The following C5orf34 variants were observed in gnomAD, a reference collection of about 807,000 sequenced individuals.
The protein encoded by C5orf34 is uncharacterized protein C5orf34.
In C5orf34, 73 loss-of-function variants were observed where a neutral mutation model predicts 78.4. The ratio of observed to expected loss-of-function variants is 0.93; its 90% CI spans 0.77 to 1.13. C5orf34 has a LOEUF of 1.13. Among genes scored for constraint, C5orf34 ranks in the 50% most tolerant of loss-of-function variants. The pLI is 0.00. For synonymous variants in C5orf34, 251 were observed against 246.6 expected (o/e 1.02, Z -0.17); for missense variants, 730 against 732.7 (o/e 1.00, Z 0.04).
At chr5:43,513,504 C>A (rs898162115) in intron 1 of C5orf34, among the ~76,000 whole-genome samples, 2 of 152,208 alleles carry the variant, frequency 1.3e-5, no homozygotes, top group African/African-American at 2.4e-5. Flanking sequence ...GCTTAAAACC[C>A]ACCAGTACCT....
At chr5:43,514,575 A>G (rs1193712840) in intron 1 of C5orf34, among the ~76,000 whole-genome samples, 32 of 152,126 alleles carry the variant, frequency 2.1e-4, no homozygotes, top group Non-Finnish European at 7.3e-5. Flanking sequence ...TTCTTGGCAT[A>G]CCATAGGAAA....
At chr5:43,493,776 G>A (rs1159616332) in intron 7 of C5orf34, among the ~76,000 whole-genome samples, 164 bp from the exon 8 acceptor site, 1 of 152,092 alleles carries the variant, frequency 6.6e-6, no homozygotes, top group Non-Finnish European at 1.5e-5. Flanking sequence ...CCCCTAGAAG[G>A]GAAATACTGT....
chr5:43,503,840 G>T, intron 4 of C5orf34, 80 bp from the exon 5 acceptor site: 2 of 847,742 alleles, frequency 2.4e-6, no homozygotes, highest in Non-Finnish European at 4.0e-6. Flanking sequence ...TGTTGCTACT[G>T]TAACAGGATT....
intron 1 of C5orf34, among the ~76,000 whole-genome samples, chr5:43,512,974 G>C (rs972091095): frequency 6.6e-6 from 1 of 151,694 alleles, no homozygotes. Flanking sequence ...AGTAGAGACA[G>C]GTTTTCACCA....
intron 11 of C5orf34, among the ~76,000 whole-genome samples, chr5:43,488,794 A>G (rs1008421111): frequency 5.9e-5 from 9 of 152,136 alleles, no homozygotes; most frequent in African/African-American, 2.2e-4. Context: ...AATATGAGCA[A>G]TGGCATACAA....
intron 1 of C5orf34, among the ~76,000 whole-genome samples, 184 bp downstream of exon 1, chr5:43,514,622 C>A (rs1171194441): frequency 6.6e-6 from 1 of 152,210 alleles, no homozygotes; most frequent in East Asian, 1.9e-4. Flanking sequence ...CCATTCTCAT[C>A]TCTACAGTCT....
At position 43,493,543 on chromosome 5, in the gene C5orf34, C is replaced by T. The variant is rs1233291433; in HGVS notation, c.1314G>A (p.Met438Ile). 1 of 1,508,794 alleles carries T rather than the reference C, an allele frequency of 6.6e-7. No homozygotes were observed. The highest frequency in any genetic ancestry group is 9.1e-7 in the Non-Finnish European group (1 of 1,097,242). 93.5% of individuals were successfully genotyped at this position (1,508,794 alleles called of 1,614,324 possible). The change falls in exon 8 of 13, where the codon ATG (methionine) becomes ATA (isoleucine). Residue 438 changes from methionine to isoleucine, a missense_variant and splice_region_variant. By Grantham distance (10) the Met-to-Ile change is conservative. Coordinates refer to ENST00000306862, the MANE Select transcript of C5orf34 (RefSeq NM_198566.4). ...TGCTTTTAAAATAATTTTAACATAC[C>T]ATTTTCCAGCAGCATATACGATAGT... Reference protein sequence around the residue: ...SHNYRICCWKMVPGINDSNIL... With the variant: ...SHNYRICCWKIVPGINDSNIL...
Position 43,487,058 on chromosome 5 carries a change from G to C in C5orf34, c.1774C>G (p.Gln592Glu). Reference sequence around the variant, plus strand: ...GGTTTATAATGATCAAAAGACTGTTGTTCATTTTTCTTGTTAGAAATCTGG... The same window carrying C: ...GGTTTATAATGATCAAAAGACTGTTCTTCATTTTTCTTGTTAGAAATCTGG... ...LNQISNKKNE[Q>E]QSFDHYKPGS... The change falls in exon 13 of 13, where the codon CAA (glutamine) becomes GAA (glutamate). Residue 592 changes from glutamine (Q) to glutamate (E), a missense_variant. Physicochemically the swap from Gln to Glu is conservative, Grantham distance 29. Transcript: ENST00000306862. 6.4e-7 allele frequency: 1 copy of C among 1,566,350 alleles called. No individual in the cohort carries two copies. The highest frequency in any genetic ancestry group is 1.2e-5 in the South Asian group (1 of 82,452).
chr5:43,508,864 T>C (rs1746101450), intron 2 of C5orf34, among the ~76,000 whole-genome samples, 198 bp from the exon 3 acceptor site: 1 of 152,224 alleles, frequency 6.6e-6, no homozygotes, highest in Admixed American at 6.5e-5. Flanking sequence ...GAGGCCAAGA[T>C]GGGAGGATTA....
At chr5:43,487,266 T>C (rs1293581352) in intron 12 of C5orf34, among the ~76,000 whole-genome samples, 155 bp from the exon 13 acceptor site, 1 of 152,162 alleles carries the variant, frequency 6.6e-6, no homozygotes, top group Non-Finnish European at 1.5e-5. Flanking sequence ...TCAAGTCTGC[T>C]CCTTGTAGAT....
intron 4 of C5orf34, among the ~76,000 whole-genome samples, chr5:43,504,466 T>C (rs968957585): frequency 3.3e-5 from 5 of 152,084 alleles, no homozygotes; most frequent in African/African-American, 1.2e-4. Flanking sequence ...TGCTATGGAA[T>C]TGTATAGGAC....
intron 1 of C5orf34, chr5:43,511,279 G>A (rs1437750995): frequency 1.8e-5 from 3 of 170,476 alleles, no homozygotes; most frequent in East Asian, 1.8e-4. Flanking sequence ...GAGCCCCTCC[G>A]CCCGGCAGCT....
At position 43,494,610 on chromosome 5, in the gene C5orf34, T is replaced by C. The variant is rs751650632; in HGVS notation, c.1153-9A>G. ...TAAGTTTTCTCTTCTCTCTGAAAAT[T>C]AGTTAAAATGAAAAATTTCATTAAT... On this transcript the variant is annotated splice_polypyrimidine_tract_variant and intron_variant, in intron 6 of 12. Transcript: ENST00000306862. The C allele has an allele frequency of 1.6e-5, 25 of 1,548,526 alleles. No homozygotes were observed. The highest frequency in any genetic ancestry group is 2.3e-5 in the East Asian group (1 of 44,252).
chr5:43,505,822 T>G lies in C5orf34; in HGVS notation c.858A>C (p.Ser286=). ...CAGAAACCACTTTTCCTCTTTCCTC[T>G]GAAATATCAGAAGTTAAAAATCTAC... The part of the protein sequence containing the change: ...TQSRFLTSDI[S]EERGKVVSVL... Residue 286 remains serine (S), a synonymous_variant, in exon 4 of 13, where the codon TCA becomes TCC. Coordinates refer to ENST00000306862, the MANE Select transcript of C5orf34 (RefSeq NM_198566.4). 1 of 1,612,976 alleles carries G rather than the reference T, an allele frequency of 6.2e-7. No individual in the cohort carries two copies. The highest frequency in any genetic ancestry group is 8.5e-7 in the Non-Finnish European group (1 of 1,179,294).
chr5:43,493,279 A>G (rs1745360713), intron 8 of C5orf34, among the ~76,000 whole-genome samples: 1 of 152,106 alleles, frequency 6.6e-6, no homozygotes, highest in Admixed American at 6.5e-5. Flanking sequence ...ATAATGACTA[A>G]TGATTTTACA....
intron 1 of C5orf34, among the ~76,000 whole-genome samples, chr5:43,511,837 C>T (rs540714036): frequency 7.2e-5 from 11 of 152,136 alleles, no homozygotes; most frequent in Admixed American, 5.2e-4. Flanking sequence ...GCAGCATGCT[C>T]GTTAAGAGTC....
Position 43,494,552 on chromosome 5 carries a change from C to T in C5orf34, c.1202G>A (p.Gly401Glu). ...SVNNLPPDRP[G>E]SPFTVGSLIK... The stretch of plus-strand genomic sequence containing the variant: ...TAGAGAACCGACAGTGAATGGACTT[C>T]CCGGTCTATCTGGAGGAAGGTTATT... Residue 401 changes from glycine (G) to glutamate (E), a missense_variant, in exon 7 of 13, where the codon GGA becomes GAA. Gly to Glu is a moderately conservative substitution (Grantham distance 98). Coordinates refer to ENST00000306862, the MANE Select transcript of C5orf34 (RefSeq NM_198566.4). 6.2e-7 allele frequency: 1 copy of T among 1,608,574 alleles called. No individual in the cohort carries two copies. The highest frequency in any genetic ancestry group is 8.5e-7 in the Non-Finnish European group (1 of 1,176,416).
chr5:43,496,588 T>A (rs960620958), intron 6 of C5orf34: 1 of 164,886 alleles, frequency 6.1e-6, no homozygotes, highest in Non-Finnish European at 9.9e-6. Context: ...TTTAATTTTT[T>A]TTTTTTTTTT....
chr5:43,511,553 G>T (rs1451260975), intron 1 of C5orf34, among the ~76,000 whole-genome samples: 1 of 152,234 alleles, frequency 6.6e-6, no homozygotes, highest in African/African-American at 2.4e-5. Flanking sequence ...ATTAAGAACG[G>T]GCCATGATGA....
Sources: allele counts gnomAD v4.1 joint callset (sites outside exome capture counted in the v4.1 genomes callset), GRCh38; gene constraint gnomAD v4.1.1; transcripts MANE v1.5; gene names NCBI Gene and HGNC (gene_info 2026-07-23, HGNC 2026-07-21).